Variants in MMS22L observed in about 807,000 individuals in gnomAD.
MMS22L encodes the protein protein MMS22-like.
A neutral mutation model predicts 159.1 loss-of-function variants in MMS22L; 74 were observed. The ratio of observed to expected loss-of-function variants is 0.47; its 90% CI spans 0.39 to 0.56. The LOEUF (loss-of-function observed/expected upper bound fraction) is 0.56. Ranked by LOEUF, MMS22L falls within the 20% of genes least tolerant of loss-of-function variation. MMS22L has a pLI of 0.00. For synonymous variants in MMS22L, 517 were observed against 506.9 expected (o/e 1.02, Z -0.27); for missense variants, 1,351 against 1,422.1 (o/e 0.95, Z 0.80).
chr6:97,179,581 T>C (rs1255791920), intron 16 of MMS22L, 22 bp from the exon 17 acceptor site: 16 of 1,580,754 alleles, frequency 1.0e-5, no homozygotes, highest in African/African-American at 2.7e-5. Context: ...AATTGACAAA[T>C]ATTTTTAAAA....
At chr6:97,223,049 C>G (rs937783001) in intron 14 of MMS22L, among the ~76,000 whole-genome samples, 1 of 152,030 alleles carries the variant, frequency 6.6e-6, no homozygotes, top group Non-Finnish European at 1.5e-5. Flanking sequence ...ATAACCAAGT[C>G]AGTATTTTCA....
intron 10 of MMS22L, among the ~76,000 whole-genome samples, chr6:97,251,447 A>C (rs189349566): frequency 5.9e-5 from 9 of 152,348 alleles, no homozygotes; most frequent in African/African-American, 2.2e-4. Flanking sequence ...ACTATTATTA[A>C]CTAGAGAGCT....
At chr6:97,223,205 A>G (rs1809837045) in intron 14 of MMS22L, among the ~76,000 whole-genome samples, 1 of 152,024 alleles carries the variant, frequency 6.6e-6, no homozygotes, top group Non-Finnish European at 1.5e-5. Flanking sequence ...CTTCCTACCT[A>G]TAATTTCTCT....
intron 11 of MMS22L, among the ~76,000 whole-genome samples, chr6:97,234,703 T>C (rs1252073196): frequency 6.6e-6 from 1 of 152,098 alleles, no homozygotes; most frequent in East Asian, 1.9e-4. Context: ...CAAGATAAAT[T>C]TGAACAGAAG....
At position 97,155,904 on chromosome 6, in the gene MMS22L, GCCACACTGTCTT is replaced by G. The variant is rs1469662169; in HGVS notation, c.3386-4049_3386-4038del. 2.0e-5 allele frequency among the ~76,000 whole-genome samples: 3 copies of G among 152,262 alleles called. No homozygotes were observed. In the South Asian group the frequency reaches 6.2e-4, roughly 32 times the overall value. ...TCTAGTTCTAGATCCTTGAGGAATT[GCCACACTGTCTT>G]CCACAATGGTTGAACTAATTCACAC... On this transcript the variant is annotated intron_variant, in intron 22 of 24. Coordinates refer to ENST00000683635, the MANE Select transcript of MMS22L (RefSeq NM_001350599.2).
At chr6:97,202,917 T>A (rs983198024) in intron 14 of MMS22L, among the ~76,000 whole-genome samples, 7 of 152,316 alleles carry the variant, frequency 4.6e-5, no homozygotes, top group African/African-American at 1.7e-4. Context: ...TGACTACTGG[T>A]CATTAATGTT....
At chr6:97,179,017 G>A (rs1031946581) in intron 17 of MMS22L, among the ~76,000 whole-genome samples, 4 of 152,022 alleles carry the variant, frequency 2.6e-5, no homozygotes, top group South Asian at 2.1e-4. Context: ...AAATGGGAGA[G>A]AATTATTCAT....
Position 97,168,351 on chromosome 6 carries a change from G to A in MMS22L, c.2840-111C>T, listed in dbSNP as rs139418119. On this transcript the variant is annotated intron_variant, in intron 19 of 24. Coordinates refer to ENST00000683635, the MANE Select transcript of MMS22L (RefSeq NM_001350599.2). ...GCACATGGGACCAAATTAAAGTAGG[G>A]AATAGGAAGAGACATATAGTAGAAG... is the stretch of plus-strand genomic sequence containing the variant. The A allele has an allele frequency of 7.4e-4, 631 of 851,578 alleles. 6 individuals are homozygous for A. The African/African-American group carries it at 8.8e-3, about 12-fold the overall frequency. The allele number at this position is 851,578 out of a possible 1,614,324, so 52.8% of individuals were successfully genotyped here. A position where few individuals can be genotyped will look rare whatever the true frequency, so the allele number is the denominator to read the frequency against.
At position 97,145,049 on chromosome 6, in the gene MMS22L, CACACACACACACACACAA is replaced by C. The variant is rs1289491340; in HGVS notation, c.*1739_*1756del. The C allele has an allele frequency of 4.8e-5, 7 of 146,370 alleles. No homozygotes were observed. The highest frequency in any genetic ancestry group is 1.0e-4 in the Non-Finnish European group (7 of 67,192). The allele number at this position is 146,370 out of a possible 1,614,324, so 9.1% of individuals were successfully genotyped here. ...CCACACACACACACACACACACACA[CACACACACACACACACAA>C]AAACACATATACACATAAATAACCT... On this transcript the variant is annotated 3_prime_UTR_variant, in exon 25 of 25. Transcript: ENST00000683635.
chr6:97,187,228 G>C (rs1255074076), intron 14 of MMS22L, among the ~76,000 whole-genome samples: 1 of 151,950 alleles, frequency 6.6e-6, no homozygotes, highest in Non-Finnish European at 1.5e-5. Flanking sequence ...ATTCTCACTT[G>C]GTAGGCAATA....
intron 20 of MMS22L, among the ~76,000 whole-genome samples, chr6:97,166,255 T>C (rs1313656845): frequency 6.6e-6 from 1 of 152,140 alleles, no homozygotes; most frequent in Non-Finnish European, 1.5e-5. Context: ...CTGCTAGTAT[T>C]AGTAAATATT....
chr6:97,267,756 A>G (rs1815290227), intron 8 of MMS22L, 116 bp downstream of exon 8: 4 of 940,398 alleles, frequency 4.3e-6, no homozygotes, highest in Non-Finnish European at 5.6e-6. Context: ...TAGCAACTAA[A>G]TATAAAATTA....
chr6:97,234,372 G>A (rs2128006877), intron 11 of MMS22L, among the ~76,000 whole-genome samples: 1 of 152,224 alleles, frequency 6.6e-6, no homozygotes, highest in East Asian at 1.9e-4. Context: ...TAAGTACTTG[G>A]TCAAATCTTT....
At chr6:97,260,582 T>C (rs1582824916) in intron 9 of MMS22L, 1 of 152,220 alleles carries the variant, frequency 6.6e-6, no homozygotes, top group South Asian at 2.1e-4. Flanking sequence ...GGTGTTTTTC[T>C]ATACTCCCAG....
chr6:97,147,349 G>C (rs1284697705), intron 24 of MMS22L, among the ~76,000 whole-genome samples: 1 of 152,088 alleles, frequency 6.6e-6, no homozygotes, highest in Non-Finnish European at 1.5e-5. Flanking sequence ...AACAAAGTTT[G>C]AAAATAAAAT....
chr6:97,185,541 A>T (rs1805136092), intron 15 of MMS22L, among the ~76,000 whole-genome samples: 1 of 152,148 alleles, frequency 6.6e-6, no homozygotes, highest in Admixed American at 6.6e-5. Context: ...GACTGCTTAA[A>T]CTGGCTGAAT....
chr6:97,149,277 A>G (rs1801090669), intron 24 of MMS22L, among the ~76,000 whole-genome samples: 1 of 152,204 alleles, frequency 6.6e-6, no homozygotes, highest in African/African-American at 2.4e-5. Flanking sequence ...CTACTCTAAA[A>G]CAATTTCTTT....
intron 14 of MMS22L, among the ~76,000 whole-genome samples, chr6:97,221,534 A>G (rs899480903): frequency 5.4e-5 from 7 of 129,240 alleles, no homozygotes; most frequent in Admixed American, 1.6e-4. Context: ...TTTATAGTAT[A>G]TATCTAAATA....
At chr6:97,168,802 T>C (rs1186596869) in intron 19 of MMS22L, among the ~76,000 whole-genome samples, 1 of 152,110 alleles carries the variant, frequency 6.6e-6, no homozygotes, top group Non-Finnish European at 1.5e-5. Context: ...TATTCAGGAT[T>C]TCCCTTTCTG....
Sources: gnomAD v4.1 joint callset for allele counts (sites outside exome capture counted in the v4.1 genomes callset) on GRCh38, gnomAD v4.1.1 for gene constraint, MANE v1.5 for transcripts, NCBI Gene and HGNC (gene_info 2026-07-23, HGNC 2026-07-21) for gene names.